The following PRELID2 variants were observed in gnomAD, a reference collection of about 807,000 sequenced individuals.
PRELID2 encodes PRELI domain containing 2.
Under a neutral mutation model 28.4 loss-of-function variants are expected in PRELID2, and 25 were observed. That is an observed-to-expected ratio of 0.88 (90% confidence interval 0.64 to 1.23). The LOEUF (loss-of-function observed/expected upper bound fraction) is 1.23. Among genes scored for constraint, PRELID2 ranks in the 50% most tolerant of loss-of-function variants. The pLI, the probability that PRELID2 is intolerant of heterozygous loss-of-function variation, is 0.00. For synonymous variants in PRELID2, 76 were observed against 71.6 expected (o/e 1.06, Z -0.31); for missense variants, 201 against 214.4 (o/e 0.94, Z 0.39).
intron 1 of PRELID2, among the ~76,000 whole-genome samples, chr5:145,575,368 T>C (rs1753051796): frequency 6.6e-6 from 1 of 152,166 alleles, no homozygotes. Context: ...ATTGATTGAA[T>C]AAAGGAGCTA....
intron 5 of PRELID2, among the ~76,000 whole-genome samples, chr5:145,787,350 G>T (rs1157045052): frequency 1.3e-5 from 2 of 152,098 alleles, no homozygotes; most frequent in East Asian, 1.9e-4. Context: ...CTATGTGGGG[G>T]TTCACCAAAA....
At chr5:145,347,156 CAGA>C in the PRELID2 span, among the ~76,000 whole-genome samples, 4 of 152,274 alleles carry the variant, frequency 2.6e-5, no homozygotes, top group East Asian at 7.7e-4. Flanking sequence ...AACTTCTGCA[CAGA>C]AGGTCAGTGC....
chr5:145,307,267 A>G, the PRELID2 span, among the ~76,000 whole-genome samples: 427 of 152,290 alleles, frequency 2.8e-3, 3 homozygotes, highest in Admixed American at 4.8e-3. Context: ...CCTCTGCAGC[A>G]GGTACCATGG....
At chr5:145,693,822 T>C (rs1249781491) in intron 1 of PRELID2, among the ~76,000 whole-genome samples, 1 of 152,216 alleles carries the variant, frequency 6.6e-6, no homozygotes, top group Non-Finnish European at 1.5e-5. Context: ...AGAGTATCTA[T>C]GTACTGAAAC....
At chr5:145,291,911 C>G in the PRELID2 span, among the ~76,000 whole-genome samples, 1 of 152,048 alleles carries the variant, frequency 6.6e-6, no homozygotes, top group Non-Finnish European at 1.5e-5. Flanking sequence ...GCCTTTGTGC[C>G]TTTGTTAAAA....
At chr5:145,261,624 C>T in the PRELID2 span, among the ~76,000 whole-genome samples, 28 of 152,262 alleles carry the variant, frequency 1.8e-4, no homozygotes, top group South Asian at 1.0e-3. Flanking sequence ...CAGGAATTCC[C>T]GTCCTTAAAG....
At chr5:145,693,130 G>C (rs1442429402) in intron 1 of PRELID2, among the ~76,000 whole-genome samples, 1 of 151,038 alleles carries the variant, frequency 6.6e-6, no homozygotes, top group African/African-American at 2.4e-5. Flanking sequence ...TTGTTCCTAG[G>C]GAAAAATAAA....
At chr5:145,528,997 A>G (rs1283752675) in intron 1 of PRELID2, among the ~76,000 whole-genome samples, 3 of 152,132 alleles carry the variant, frequency 2.0e-5, no homozygotes, top group Non-Finnish European at 4.4e-5. Context: ...ATTTTACCCA[A>G]CATCTCCCTC....
At chr5:145,599,514 TG>T (rs1406184756) in intron 1 of PRELID2, among the ~76,000 whole-genome samples, 4 of 152,178 alleles carry the variant, frequency 2.6e-5, no homozygotes, top group South Asian at 2.1e-4. Flanking sequence ...TGATGACTAC[TG>T]GAGGAATTCT....
chr5:145,751,763 C>A (rs1044890809), downstream of PRELID2, among the ~76,000 whole-genome samples: 6 of 152,144 alleles, frequency 3.9e-5, no homozygotes, highest in African/African-American at 1.2e-4. Context: ...GGGTGGATCA[C>A]CTGAGGTCAG....
intron 1 of PRELID2, among the ~76,000 whole-genome samples, chr5:145,583,731 A>C (rs1171361110): frequency 1.3e-5 from 2 of 152,124 alleles, no homozygotes. Flanking sequence ...TACAGCTAAC[A>C]AGAGAAATGA....
the PRELID2 span, chr5:145,229,204 TCTG>T: frequency 1.2e-6 from 1 of 827,996 alleles, no homozygotes. Flanking sequence ...TTTGAGCTCA[TCTG>T]CTACTCGCTG....
intron 1 of PRELID2, among the ~76,000 whole-genome samples, chr5:145,749,905 G>A (rs1289821906): frequency 6.6e-6 from 1 of 151,952 alleles, no homozygotes; most frequent in Non-Finnish European, 1.5e-5. Context: ...ATAAGTGGGA[G>A]TTGAACAATG....
At chr5:145,605,373 C>T (rs1226631513) in intron 1 of PRELID2, among the ~76,000 whole-genome samples, 1 of 151,896 alleles carries the variant, frequency 6.6e-6, no homozygotes, top group Non-Finnish European at 1.5e-5. Flanking sequence ...AGGGGTCAGG[C>T]AAAAATCTTC....
the PRELID2 span, among the ~76,000 whole-genome samples, chr5:145,419,027 A>G: frequency 1.3e-5 from 2 of 150,272 alleles, no homozygotes; most frequent in African/African-American, 4.9e-5. Context: ...ATGATTTCCA[A>G]TTTCATCCAT....
the PRELID2 span, among the ~76,000 whole-genome samples, chr5:145,323,944 T>C: frequency 1.3e-5 from 2 of 152,258 alleles, no homozygotes; most frequent in African/African-American, 4.8e-5. Flanking sequence ...TGTGTCTTTA[T>C]GGTATAATGA....
rs1355626024 is a variant in PRELID2 at position 145,605,648 on chromosome 5, C to T, written n.71-132333G>A. 2.0e-5 allele frequency among the ~76,000 whole-genome samples: 3 copies of T among 152,010 alleles called. No individual in the cohort carries two copies. The East Asian group carries it at 5.8e-4, about 29-fold the overall frequency. Reference sequence around the variant, plus strand: ...TTCTTTTTGCTTAGGATTGCCTTGGCTATTCAAGCTCTTTTATGGTTCCAT... The same window carrying T: ...TTCTTTTTGCTTAGGATTGCCTTGGTTATTCAAGCTCTTTTATGGTTCCAT... On this transcript the variant is annotated intron_variant and non_coding_transcript_variant, in intron 1 of 2. Transcript: ENST00000510259.
At chr5:145,745,627 C>T (rs1327706998) in intron 1 of PRELID2, among the ~76,000 whole-genome samples, 2 of 151,986 alleles carry the variant, frequency 1.3e-5, no homozygotes, top group East Asian at 3.9e-4. Context: ...TTTGGGAGGC[C>T]GAGGACGGCA....
the PRELID2 span, among the ~76,000 whole-genome samples, chr5:145,431,006 GTT>G: frequency 6.3e-4 from 35 of 55,548 alleles, no homozygotes; most frequent in East Asian, 3.7e-3. Flanking sequence ...CCTGGCAATG[GTT>G]TTTTTTTTTT....
Sources: allele counts gnomAD v4.1 joint callset (sites outside exome capture counted in the v4.1 genomes callset), GRCh38; gene constraint gnomAD v4.1.1; transcripts MANE v1.5; gene names NCBI Gene and HGNC (gene_info 2026-07-23, HGNC 2026-07-21).